The following CDC123 variants were observed in gnomAD, a reference collection of about 807,000 sequenced individuals.
The protein encoded by CDC123 is cell division cycle 123.
Under a neutral mutation model 54.4 loss-of-function variants are expected in CDC123, and 37 were observed. The ratio of observed to expected loss-of-function variants is 0.68; its 90% CI spans 0.52 to 0.89. The LOEUF is 0.89. Ranked by LOEUF, CDC123 falls within the 40% of genes least tolerant of loss-of-function variation. The probability of loss-of-function intolerance (pLI) is 0.00; values close to 1 mark genes in which losing one functional copy is unlikely to be tolerated. For synonymous variants in CDC123, 144 were observed against 136.8 expected (o/e 1.05, Z -0.37); for missense variants, 361 against 412.1 (o/e 0.88, Z 1.07).
intron 9 of CDC123, 31 bp downstream of exon 9, chr10:12,237,297 GA>G: frequency 1.7e-5 from 25 of 1,507,402 alleles, no homozygotes; most frequent in Non-Finnish European, 2.2e-5. Flanking sequence ...CCAGTAAAAT[GA>G]AATGAAATAT....
rs913192399 is a variant in CDC123 at position 12,247,345 on chromosome 10, A to C, written c.846+1068A>C. The C allele has an allele frequency of 4.6e-4, 19 of 41,342 alleles. 1 individual carries two copies. Among genetic ancestry groups the C allele is most frequent in the African/African-American group, 1.2e-3 (13 of 10,436 alleles). 2.6% of individuals were successfully genotyped at this position (41,342 alleles called of 1,614,324 possible). Reference sequence around the variant, plus strand: ...TCAGGACACTGTGTCCTCCTCTCTCACCTCCCCCTAAGGACACTGTCCTCT... The same window carrying C: ...TCAGGACACTGTGTCCTCCTCTCTCCCCTCCCCCTAAGGACACTGTCCTCT... On this transcript the variant is annotated intron_variant, in intron 11 of 12. Transcript: ENST00000281141.
chr10:12,213,848 C>T (rs562241475), intron 4 of CDC123, among the ~76,000 whole-genome samples: 5 of 152,170 alleles, frequency 3.3e-5, no homozygotes, highest in African/African-American at 1.2e-4. Context: ...CTGGTTTTGC[C>T]TCCCTGCAGT....
chr10:12,222,816 C>T (rs1262438131), intron 6 of CDC123, among the ~76,000 whole-genome samples: 5 of 151,814 alleles, frequency 3.3e-5, no homozygotes, highest in East Asian at 1.9e-4. Flanking sequence ...TGCAATGATG[C>T]GATCTTGGCT....
At chr10:12,199,050 G>A (rs1175504825) in intron 2 of CDC123, among the ~76,000 whole-genome samples, 1 of 152,216 alleles carries the variant, frequency 6.6e-6, no homozygotes, top group Admixed American at 6.5e-5. Flanking sequence ...TCCTTCTGAC[G>A]GTAGCAGGGT....
At chr10:12,242,278 G>GT (rs1331143308) in intron 10 of CDC123, among the ~76,000 whole-genome samples, 34 of 152,320 alleles carry the variant, frequency 2.2e-4, no homozygotes, top group Admixed American at 3.9e-4. Context: ...GGTCCTTTGG[G>GT]AAGCATTTCC....
intron 5 of CDC123, 137 bp downstream of exon 5, chr10:12,215,972 C>T (rs1166433923): frequency 1.3e-5 from 7 of 545,386 alleles, no homozygotes; most frequent in Non-Finnish European, 1.9e-5. Context: ...ATTAATTTCC[C>T]TCTACTGTTT....
intron 7 of CDC123, among the ~76,000 whole-genome samples, chr10:12,234,685 C>T (rs1336917724): frequency 6.6e-6 from 1 of 151,706 alleles, no homozygotes. Flanking sequence ...AGAATTTTAG[C>T]ACAATTTTCC....
rs148395281 is a variant in CDC123 at position 12,236,045 on chromosome 10, G to T, written c.565+922G>T. On this transcript the variant is annotated intron_variant, in intron 8 of 12. Coordinates refer to ENST00000281141, the MANE Select transcript of CDC123 (RefSeq NM_006023.3). The stretch of plus-strand genomic sequence containing the variant: ...CATGGCTTGAACGAGAGCAGGCTGT[G>T]AAGGCCAAGTAGCATGTATGAACAA... 9.9e-3 allele frequency among the ~76,000 whole-genome samples: 1,501 copies of T among 152,326 alleles called. 13 individuals carry two copies. The highest frequency in any genetic ancestry group is 0.041 in the Middle Eastern group (12 of 294).
chr10:12,218,594 C>T (rs182029390), intron 6 of CDC123, among the ~76,000 whole-genome samples: 1 of 152,214 alleles, frequency 6.6e-6, no homozygotes, highest in East Asian at 1.9e-4. Context: ...GACATCATTG[C>T]GTGTCTAAAT....
intron 6 of CDC123, among the ~76,000 whole-genome samples, chr10:12,226,098 C>G (rs1835809048): frequency 6.6e-6 from 1 of 152,152 alleles, no homozygotes; most frequent in Admixed American, 6.5e-5. Context: ...AGATTAACAG[C>G]ATCCCAAGGC....
intron 2 of CDC123, among the ~76,000 whole-genome samples, chr10:12,205,801 CTT>C (rs1203357821): frequency 1.7e-4 from 24 of 143,790 alleles, no homozygotes; most frequent in Admixed American, 2.8e-4. Context: ...TAAACTTTCA[CTT>C]TTTTTTTTTT....
Position 12,246,151 on chromosome 10 carries a change from G to A in CDC123, c.720G>A (p.Gly240=), listed in dbSNP as rs753568172. 6.2e-7 allele frequency: 1 copy of A among 1,613,646 alleles called. No individual in the cohort carries two copies. The highest frequency in any genetic ancestry group is 1.1e-5 in the South Asian group (1 of 91,024). ...TTTTTTCTCTCTCTGTGCTACAGGG[G>A]AAGGTGTGGCTCATTGACTTTAATC... ...FVFDIYRDSR[G]KVWLIDFNPF... is the part of the protein sequence containing the mutation. The change falls in exon 11 of 13, where the codon GGG becomes GGA. Residue 240 remains glycine (G), a splice_region_variant and synonymous_variant. Transcript: ENST00000281141.
chr10:12,201,359 G>A (rs907811598), intron 2 of CDC123, among the ~76,000 whole-genome samples: 3 of 152,188 alleles, frequency 2.0e-5, no homozygotes, highest in Non-Finnish European at 2.9e-5. Flanking sequence ...GCAGAAAGTG[G>A]GGTGGTCATT....
intron 10 of CDC123, 55 bp from the exon 11 acceptor site, chr10:12,246,094 A>G (rs1836131331): frequency 3.8e-6 from 6 of 1,572,992 alleles, no homozygotes; most frequent in Non-Finnish European, 5.2e-6. Flanking sequence ...TTTCTTTCTC[A>G]GAAGACAGAG....
At chr10:12,239,242 A>T (rs941259365) in intron 10 of CDC123, among the ~76,000 whole-genome samples, 1 of 151,966 alleles carries the variant, frequency 6.6e-6, no homozygotes, top group Admixed American at 6.6e-5. Flanking sequence ...TATACCTAAC[A>T]TTAGAGGACT....
chr10:12,214,242 G>A (rs1412704320), intron 4 of CDC123, among the ~76,000 whole-genome samples: 3 of 152,184 alleles, frequency 2.0e-5, no homozygotes, highest in South Asian at 4.1e-4. Flanking sequence ...ATTCTTTCCC[G>A]TTGTAAAGTT....
At chr10:12,200,641 T>C (rs1835427625) in intron 2 of CDC123, among the ~76,000 whole-genome samples, 3 of 152,142 alleles carry the variant, frequency 2.0e-5, no homozygotes, top group Admixed American at 2.0e-4. Context: ...TGTTAAATAC[T>C]GTTAAACAGG....
intron 2 of CDC123, among the ~76,000 whole-genome samples, chr10:12,208,445 C>T (rs1299592221): frequency 2.0e-5 from 3 of 152,086 alleles, no homozygotes; most frequent in Non-Finnish European, 2.9e-5. Context: ...TTTACCATGA[C>T]AGTTGGAGGC....
chr10:12,230,898 CTG>C (rs1355664399), intron 6 of CDC123, 48 bp from the exon 7 acceptor site: 1 of 1,540,906 alleles, frequency 6.5e-7, no homozygotes, highest in Non-Finnish European at 8.9e-7. Flanking sequence ...TGTGCATAAA[CTG>C]GCACCAGTAA....
Sources: gnomAD v4.1 joint callset for allele counts (sites outside exome capture counted in the v4.1 genomes callset) on GRCh38, gnomAD v4.1.1 for gene constraint, MANE v1.5 for transcripts, NCBI Gene and HGNC (gene_info 2026-07-23, HGNC 2026-07-21) for gene names.